CAST: variants seen among roughly 807,000 people sequenced by gnomAD.
CAST encodes the protein MIR583 host.
A neutral mutation model predicts 119.6 loss-of-function variants in CAST; 76 were observed. That is an observed-to-expected ratio of 0.64 (90% confidence interval 0.53 to 0.77). CAST has a LOEUF of 0.77. Among genes scored for constraint, CAST ranks in the 30% least tolerant of loss-of-function variants. The probability of loss-of-function intolerance (pLI) is 0.00; values close to 1 mark genes in which losing one functional copy is unlikely to be tolerated. For missense variants in CAST, 953 were observed against 946.5 expected (o/e 1.01, Z -0.09); for synonymous variants, 319 against 331.6 (o/e 0.96, Z 0.41).
the CAST span, chr5:96,421,905 G>T: frequency 1.3e-6 from 2 of 1,584,770 alleles, no homozygotes; most frequent in Middle Eastern, 1.7e-4. Flanking sequence ...GGATCATATC[G>T]GGGAAATGGA....
chr5:96,047,288 C>A, the CAST span, among the ~76,000 whole-genome samples: 1 of 152,090 alleles, frequency 6.6e-6, no homozygotes, highest in Non-Finnish European at 1.5e-5. Flanking sequence ...CTATATACTT[C>A]ATTGGTAGTA....
At chr5:96,308,494 T>G in the CAST span, among the ~76,000 whole-genome samples, 4 of 152,082 alleles carry the variant, frequency 2.6e-5, no homozygotes, top group Non-Finnish European at 5.9e-5. Flanking sequence ...TTTTGTTCCC[T>G]TGCTGGAGAG....
At chr5:96,431,928 C>G in the CAST span, among the ~76,000 whole-genome samples, 1 of 152,104 alleles carries the variant, frequency 6.6e-6, no homozygotes, top group Non-Finnish European at 1.5e-5. Flanking sequence ...GACTAGAAGT[C>G]ACACTCCCTA....
chr5:96,271,508 G>T, the CAST span, among the ~76,000 whole-genome samples: 2 of 152,106 alleles, frequency 1.3e-5, no homozygotes, highest in African/African-American at 2.4e-5. Flanking sequence ...AAAAAGGACA[G>T]TCTTCTCAAT....
chr5:96,048,047 G>C, the CAST span, among the ~76,000 whole-genome samples: 1 of 149,578 alleles, frequency 6.7e-6, no homozygotes, highest in Non-Finnish European at 1.5e-5. Context: ...GAGTGTAGAT[G>C]AAGGTCATAC....
In CAST at chr5:96,615,306, G is replaced by A. The variant is rs978031947; in HGVS notation, c.61-60233G>A. 4.6e-5 allele frequency among the ~76,000 whole-genome samples: 7 copies of A among 152,066 alleles called. No homozygotes were observed. In the East Asian group the frequency reaches 5.8e-4, roughly 13 times the overall value. On this transcript the variant is annotated intron_variant, in intron 1 of 11. Coordinates refer to the CAST transcript ENST00000505143. ...CTATTTCCAGTAAGTTTATCCCATC[G>A]TAAGCCAAAGAGCAGCTGTACAGGA... is the stretch of plus-strand genomic sequence containing the variant.
At chr5:96,408,890 T>C in the CAST span, among the ~76,000 whole-genome samples, 4 of 152,216 alleles carry the variant, frequency 2.6e-5, no homozygotes, top group Non-Finnish European at 5.9e-5. Flanking sequence ...ATTTACACTT[T>C]GAGGAAAACG....
intron 1 of CAST, among the ~76,000 whole-genome samples, chr5:96,586,641 C>T (rs1297024841): frequency 6.6e-6 from 1 of 152,152 alleles, no homozygotes; most frequent in Non-Finnish European, 1.5e-5. Context: ...CAGAAGATTG[C>T]AATTCATAAA....
the CAST span, chr5:96,213,803 AAAAATATT>A: frequency 3.3e-5 from 5 of 152,118 alleles, no homozygotes; most frequent in African/African-American, 9.7e-5. Flanking sequence ...AAAGAGAAAA[AAAAATATT>A]AAAAGGTCAA....
At chr5:96,262,459 T>C in the CAST span, among the ~76,000 whole-genome samples, 2 of 152,214 alleles carry the variant, frequency 1.3e-5, no homozygotes, top group Non-Finnish European at 2.9e-5. Context: ...CAGCAGAAGC[T>C]CACTTGCTAG....
intron 1 of CAST, among the ~76,000 whole-genome samples, chr5:96,654,132 T>C (rs1283262325): frequency 2.0e-5 from 3 of 151,884 alleles, no homozygotes; most frequent in Non-Finnish European, 4.4e-5. Context: ...CAAGGAATTA[T>C]CCTGCCTCAG....
the CAST span, among the ~76,000 whole-genome samples, chr5:96,088,350 C>A: frequency 1.3e-5 from 2 of 152,206 alleles, no homozygotes; most frequent in African/African-American, 4.8e-5. Context: ...CCTCTCCAGG[C>A]CATGGCTGCC....
At chr5:96,263,530 C>T in the CAST span, among the ~76,000 whole-genome samples, 6 of 151,592 alleles carry the variant, frequency 4.0e-5, no homozygotes, top group Non-Finnish European at 8.8e-5. Flanking sequence ...ATTTTTGGTG[C>T]CAGCCTCTGC....
chr5:96,368,210 A>C, the CAST span, among the ~76,000 whole-genome samples: 2 of 151,042 alleles, frequency 1.3e-5, no homozygotes, highest in Non-Finnish European at 2.9e-5. Flanking sequence ...TTGAATTTCT[A>C]TAGAATTGGC....
chr5:96,535,281 A>G (rs544998491), intron 1 of CAST, among the ~76,000 whole-genome samples: 1 of 152,344 alleles, frequency 6.6e-6, no homozygotes, highest in Non-Finnish European at 1.5e-5. Context: ...TTGTAAGGAA[A>G]CAATAATTGG....
At chr5:96,347,771 T>G in the CAST span, among the ~76,000 whole-genome samples, 1 of 152,062 alleles carries the variant, frequency 6.6e-6, no homozygotes, top group Admixed American at 6.6e-5. Context: ...GAAGGGTCAT[T>G]GGGAGCAAAA....
the CAST span, among the ~76,000 whole-genome samples, chr5:96,475,699 TC>T: frequency 6.6e-6 from 1 of 152,200 alleles, no homozygotes; most frequent in Admixed American, 6.5e-5. Flanking sequence ...TCTGGAAGTT[TC>T]CATGCCCTTC....
chr5:96,183,841 A>C, the CAST span, among the ~76,000 whole-genome samples: 1 of 152,222 alleles, frequency 6.6e-6, no homozygotes, highest in African/African-American at 2.4e-5. Flanking sequence ...GAATGTAGGC[A>C]CATGGACATG....
chr5:96,467,455 G>A, the CAST span, among the ~76,000 whole-genome samples: 2 of 151,836 alleles, frequency 1.3e-5, no homozygotes, highest in Non-Finnish European at 2.9e-5. Context: ...GTCTTTGTAT[G>A]GTTTTAGTTT....
Sources: allele counts gnomAD v4.1 joint callset (sites outside exome capture counted in the v4.1 genomes callset), GRCh38; gene constraint gnomAD v4.1.1; transcripts MANE v1.5; gene names NCBI Gene and HGNC (gene_info 2026-07-23, HGNC 2026-07-21).